ACOXL: variants seen among roughly 807,000 people sequenced by gnomAD.
ACOXL encodes the protein acyl-coenzyme A oxidase-like protein.
A neutral mutation model predicts 71.9 loss-of-function variants in ACOXL; 70 were observed. The observed-to-expected ratio is 0.97, with a 90% CI of 0.80 to 1.19. The LOEUF (loss-of-function observed/expected upper bound fraction) is 1.19, where lower values mean the gene tolerates loss of function less well. Ranked by LOEUF, ACOXL falls within the 50% of genes most tolerant of loss-of-function variation. The pLI is 0.00. For synonymous variants in ACOXL, 253 were observed against 281.6 expected (o/e 0.90, Z 1.02); for missense variants, 703 against 736.3 (o/e 0.95, Z 0.52).
chr2:110,748,883 G>A lies in ACOXL; in HGVS notation c.-23+16109G>A, dbSNP rs533866639. Among the ~76,000 whole-genome samples, 19 of 152,312 alleles carry A rather than the reference G, an allele frequency of 1.2e-4. No homozygotes were observed. The East Asian group carries it at 1.9e-3, about 15-fold the overall frequency. ...ACATAAAGCATTTTTTATTCTTGCC[G>A]TTTTCAACAAGAAGAGAATGCTGTA... On this transcript the variant is annotated intron_variant, in intron 1 of 17. Transcript: ENST00000439055.
chr2:110,941,975 A>G (rs985195956), intron 12 of ACOXL, among the ~76,000 whole-genome samples: 1 of 152,222 alleles, frequency 6.6e-6, no homozygotes, highest in South Asian at 2.1e-4. Context: ...AAAAATAATA[A>G]CAATGTAGTG....
At chr2:110,943,612 A>G (rs2149380124) in intron 12 of ACOXL, among the ~76,000 whole-genome samples, 1 of 152,282 alleles carries the variant, frequency 6.6e-6, no homozygotes, top group African/African-American at 2.4e-5. Flanking sequence ...ATTTGCACAC[A>G]GGTCCTATTT....
chr2:111,034,444 A>G (rs761277206), intron 15 of ACOXL, among the ~76,000 whole-genome samples: 11 of 152,242 alleles, frequency 7.2e-5, no homozygotes, highest in African/African-American at 1.7e-4. Context: ...CAAGGATTTG[A>G]TGATGGCACA....
chr2:110,971,658 G>A (rs1037322283), intron 12 of ACOXL, among the ~76,000 whole-genome samples: 2 of 152,176 alleles, frequency 1.3e-5, no homozygotes, highest in African/African-American at 2.4e-5. Flanking sequence ...GAGGACAGTG[G>A]CATGTAGTGG....
chr2:111,073,624 G>A (rs931273695), intron 16 of ACOXL, among the ~76,000 whole-genome samples: 6 of 152,090 alleles, frequency 3.9e-5, no homozygotes, highest in Non-Finnish European at 5.9e-5. Context: ...ATTGACCTAC[G>A]TGTATATTTC....
Position 110,810,741 on chromosome 2 carries a change from T to C in ACOXL, c.753+5346T>C, listed in dbSNP as rs1041974768. 3.9e-5 allele frequency among the ~76,000 whole-genome samples: 6 copies of C among 152,206 alleles called. 1 individual carries two copies. Among genetic ancestry groups the C allele is most frequent in the Admixed American group, 3.3e-4 (5 of 15,284 alleles). ...AACACAAGAGTAATCAGCTCATGTA[T>C]AATTTAGTAGTTAATGGGGAGTGTA... On this transcript the variant is annotated intron_variant, in intron 9 of 17. Transcript: ENST00000439055.
At chr2:110,937,489 T>G (rs1483834097) in intron 12 of ACOXL, among the ~76,000 whole-genome samples, 2 of 152,208 alleles carry the variant, frequency 1.3e-5, no homozygotes, top group African/African-American at 2.4e-5. Flanking sequence ...CTGATTTCCA[T>G]TTTTGTTCCT....
At chr2:110,986,422 C>T (rs572983526) in intron 12 of ACOXL, among the ~76,000 whole-genome samples, 9 of 152,194 alleles carry the variant, frequency 5.9e-5, no homozygotes, top group East Asian at 1.9e-4. Context: ...TAAGCTCACA[C>T]GACGTGGTTT....
intron 14 of ACOXL, among the ~76,000 whole-genome samples, chr2:111,028,574 C>A (rs908837032): frequency 6.6e-6 from 1 of 152,080 alleles, no homozygotes; most frequent in East Asian, 1.9e-4. Context: ...TCTACTTGAA[C>A]TTAAGGGGAA....
At chr2:110,972,709 T>C (rs1161572887) in intron 12 of ACOXL, among the ~76,000 whole-genome samples, 1 of 151,594 alleles carries the variant, frequency 6.6e-6, no homozygotes, top group Non-Finnish European at 1.5e-5. Context: ...AAAAGACACA[T>C]GGGCTGAAGT....
In ACOXL at chr2:110,945,753, G is replaced by T. The variant is rs116218689; in HGVS notation, c.1059+12111G>T. ...CTGCTTTGGTTACTGTAGCCTTGTA[G>T]TATCATTTGAAGTTAAATAATGTGA... On this transcript the variant is annotated intron_variant, in intron 12 of 17. Transcript: ENST00000439055. 4.7e-3 allele frequency among the ~76,000 whole-genome samples: 723 copies of T among 152,228 alleles called. 6 individuals are homozygous for T. Among genetic ancestry groups the T allele is most frequent in the African/African-American group, 0.017 (689 of 41,540 alleles).
chr2:110,791,867 A>G (rs2105244747), intron 3 of ACOXL, among the ~76,000 whole-genome samples: 1 of 152,308 alleles, frequency 6.6e-6, no homozygotes, highest in Admixed American at 6.5e-5. Flanking sequence ...CAAAAATGGT[A>G]CTTATTGGCT....
At chr2:110,758,618 C>CA (rs1003781287) in intron 1 of ACOXL, among the ~76,000 whole-genome samples, 10 of 151,962 alleles carry the variant, frequency 6.6e-5, no homozygotes, top group African/African-American at 2.4e-4. Context: ...TTAATTTGTT[C>CA]AAAAAACCAG....
intron 10 of ACOXL, among the ~76,000 whole-genome samples, chr2:110,856,455 G>A (rs988323246): frequency 3.9e-5 from 6 of 152,154 alleles, no homozygotes; most frequent in African/African-American, 1.4e-4. Context: ...TGGCAATTGG[G>A]ATATGCCAAA....
chr2:110,893,379 CAAAA>C (rs1007428475), intron 10 of ACOXL, among the ~76,000 whole-genome samples: 1 of 150,974 alleles, frequency 6.6e-6, no homozygotes, highest in Non-Finnish European at 1.5e-5. Context: ...TATTAATAAT[CAAAA>C]AAAGGCAAAT....
Position 110,925,551 on chromosome 2 carries a change from C to T in ACOXL, c.906-7938C>T, listed in dbSNP as rs114124311. ...TCAAACTTTTCTTTTGTAGCTTCCT[C>T]ACTTCTCTCAGCCTTTGTAGAATTG... is the stretch of plus-strand genomic sequence containing the variant. On this transcript the variant is annotated intron_variant, in intron 11 of 17. Transcript: ENST00000439055. Among the ~76,000 whole-genome samples, 596 of 152,350 alleles carry T rather than the reference C, an allele frequency of 3.9e-3. 5 individuals carry two copies. The highest frequency in any genetic ancestry group is 0.014 in the African/African-American group (573 of 41,584).
At chr2:110,921,704 T>C (rs1383606536) in intron 11 of ACOXL, among the ~76,000 whole-genome samples, 1 of 152,142 alleles carries the variant, frequency 6.6e-6, no homozygotes, top group Non-Finnish European at 1.5e-5. Flanking sequence ...TCCACCCCCC[T>C]CTCTTAAGGT....
At chr2:111,010,402 GA>G (rs2064092620) in intron 14 of ACOXL, among the ~76,000 whole-genome samples, 1 of 151,922 alleles carries the variant, frequency 6.6e-6, no homozygotes, top group Non-Finnish European at 1.5e-5. Flanking sequence ...GAAATCATTT[GA>G]ACTAAAACAC....
intron 1 of ACOXL, among the ~76,000 whole-genome samples, chr2:110,755,166 C>T (rs1192423210): frequency 6.6e-6 from 1 of 152,084 alleles, no homozygotes; most frequent in Non-Finnish European, 1.5e-5. Flanking sequence ...CAGAGCTAGG[C>T]CCTCCCTAGA....
Sources: allele counts gnomAD v4.1 joint callset (sites outside exome capture counted in the v4.1 genomes callset), GRCh38; gene constraint gnomAD v4.1.1; transcripts MANE v1.5; gene names NCBI Gene and HGNC (gene_info 2026-07-23, HGNC 2026-07-21).